Variants in GRHL1 observed in about 807,000 individuals in gnomAD.
The protein encoded by GRHL1 is grainyhead like transcription factor 1, also known as grainyhead-like protein 1 homolog.
Under a neutral mutation model 75.7 loss-of-function variants are expected in GRHL1, and 38 were observed. The observed-to-expected ratio is 0.50, with a 90% confidence interval of 0.39 to 0.66. GRHL1 has a LOEUF of 0.66. Ranked by LOEUF, GRHL1 falls within the 30% of genes least tolerant of loss-of-function variation. The pLI is 0.00. For missense variants in GRHL1, 589 were observed against 767.5 expected (o/e 0.77, Z 2.75); for synonymous variants, 266 against 279.4 (o/e 0.95, Z 0.48).
chr2:9,975,689 C>T (rs1444085802), intron 8 of GRHL1, among the ~76,000 whole-genome samples: 1 of 151,426 alleles, frequency 6.6e-6, no homozygotes, highest in Non-Finnish European at 1.5e-5. Context: ...ACCAGCCTGA[C>T]CAACGTGGTG....
rs1666778259 is a variant in GRHL1, at chr2:9,951,767, C to G, written c.-67C>G. 15 of 1,452,410 alleles carry G rather than the reference C, an allele frequency of 1.0e-5. No homozygotes were observed. Among genetic ancestry groups the G allele is most frequent in the South Asian group, 6.3e-5 (5 of 79,606 alleles). The allele number at this position is 1,452,410 out of a possible 1,614,324, so 90.0% of individuals were successfully genotyped here. ...CAGCCGCCGCCGCCGCCTCCTCCCC[C>G]CGGATCGGGTGTACTGTCCCAACCC... On this transcript the variant is annotated 5_prime_UTR_variant, in exon 1 of 16. Transcript: ENST00000324907. The surrounding 1 kb of genome is among the most constrained non-coding windows in gnomAD (Gnocchi z 4.2).
chr2:9,971,221 C>A (rs1358484287), intron 8 of GRHL1, among the ~76,000 whole-genome samples: 1 of 152,156 alleles, frequency 6.6e-6, no homozygotes, highest in Non-Finnish European at 1.5e-5. Context: ...TAGTGAAGCA[C>A]CCGTCAAGTC....
Position 9,990,681 on chromosome 2 carries a change from T to A in GRHL1, c.1270-15T>A. The A allele has an allele frequency of 6.4e-7, 1 of 1,559,720 alleles. No individual in the cohort carries two copies. Among genetic ancestry groups the A allele is most frequent in the South Asian group, 1.1e-5 (1 of 88,454 alleles). On this transcript the variant is annotated splice_polypyrimidine_tract_variant and intron_variant, in intron 9 of 15. Transcript: ENST00000324907. This position sits in a 1 kb window ranked among gnomAD's most constrained non-coding sequence, Gnocchi z 4.2. Reference sequence around the variant, plus strand: ...TGGAAAACAGAATCATATCTTGTCTTCTCTTAACCTACAGGGAGCTGAGCG... The same window carrying A: ...TGGAAAACAGAATCATATCTTGTCTACTCTTAACCTACAGGGAGCTGAGCG...
chr2:9,996,037 A>G lies in GRHL1; in HGVS notation c.1591+67A>G. On this transcript the variant is annotated intron_variant, in intron 13 of 15. Transcript: ENST00000324907. ...AGTGAGTTCAGAATCTATCAAAAGC[A>G]TAAATGGTTCAAGCACATTTTTCCC... is the stretch of plus-strand genomic sequence containing the variant. 1.2e-5 allele frequency: 12 copies of G among 1,030,850 alleles called. No individual in the cohort carries two copies. In the South Asian group the frequency reaches 1.5e-4, roughly 13 times the overall value. 63.9% of individuals were successfully genotyped at this position (1,030,850 alleles called of 1,614,324 possible). A position where few individuals can be genotyped will look rare whatever the true frequency, so the allele number is the denominator to read the frequency against.
chr2:9,963,879 C>A lies in GRHL1; in HGVS notation c.747-7C>A. On this transcript the variant is annotated splice_polypyrimidine_tract_variant and splice_region_variant and intron_variant, in intron 5 of 15. Coordinates refer to ENST00000324907, the MANE Select transcript of GRHL1 (RefSeq NM_198182.3). ...TTTAGAGACCTGTGACTTTTTTTGT[C>A]CTTTAGGAACAACTTTGAATATACC... The A allele has an allele frequency of 6.3e-7, 1 of 1,599,820 alleles. No homozygotes were observed. Among genetic ancestry groups the A allele is most frequent in the South Asian group, 1.1e-5 (1 of 88,750 alleles).
At position 9,963,883 on chromosome 2, in the gene GRHL1, T is replaced by G. The variant is rs1667379513; in HGVS notation, c.747-3T>G. The G allele has an allele frequency of 6.2e-7, 1 of 1,607,584 alleles. No individual in the cohort carries two copies. The highest frequency in any genetic ancestry group is 2.2e-5 in the East Asian group (1 of 44,834). ...GAGACCTGTGACTTTTTTTGTCCTT[T>G]AGGAACAACTTTGAATATACCCTAG... On this transcript the variant is annotated splice_polypyrimidine_tract_variant and splice_region_variant and intron_variant, in intron 5 of 15. Transcript: ENST00000324907.
chr2:9,972,155 G>A (rs1323083398), intron 8 of GRHL1, among the ~76,000 whole-genome samples: 1 of 151,060 alleles, frequency 6.6e-6, no homozygotes, highest in African/African-American at 2.4e-5. Flanking sequence ...CCATGTCTAT[G>A]TAGCCTGCAT....
In GRHL1 at chr2:9,992,914, T is replaced by TTTC. The variant is rs1185905344; in HGVS notation, c.1462-293_1462-292insTTC. On this transcript the variant is annotated intron_variant, in intron 11 of 15. Transcript: ENST00000324907. The surrounding 1 kb of genome is among the most constrained non-coding windows in gnomAD (Gnocchi z 4.6). ...GGCCCCGTGGTCTCCACTGTGCTGC[T>TTTC]CAGTGCTGCCGAACTAGTGCACACA... is the stretch of plus-strand genomic sequence containing the variant. Among the ~76,000 whole-genome samples the TTTC allele has an allele frequency of 3.3e-5, 5 of 152,212 alleles. No individual in the cohort carries two copies. The highest frequency in any genetic ancestry group is 1.2e-4 in the African/African-American group (5 of 41,462).
At chr2:9,978,501 C>T (rs1240458165) in intron 8 of GRHL1, among the ~76,000 whole-genome samples, 1 of 152,160 alleles carries the variant, frequency 6.6e-6, no homozygotes, top group East Asian at 1.9e-4. Flanking sequence ...ACATTTGGAG[C>T]TGGATTTTGG....
At chr2:9,995,148 T>C (rs1459370852) in intron 12 of GRHL1, among the ~76,000 whole-genome samples, 1 of 152,204 alleles carries the variant, frequency 6.6e-6, no homozygotes, top group East Asian at 1.9e-4. Flanking sequence ...TTTCTAGATA[T>C]GGCTTCCTGT....
chr2:9,960,872 C>A, intron 3 of GRHL1, 174 bp from the exon 4 acceptor site: 1 of 542,908 alleles, frequency 1.8e-6, no homozygotes, highest in Non-Finnish European at 3.2e-6. Context: ...TTTATTTGAC[C>A]GATAACCAGA....
In GRHL1 at chr2:9,998,609, T is replaced by C. The variant is rs74171473; in HGVS notation, c.1678-356T>C. Among the ~76,000 whole-genome samples the C allele has an allele frequency of 1.2e-3, 61 of 49,280 alleles. 14 individuals are homozygous for C. Among genetic ancestry groups the C allele is most frequent in the Admixed American group, 3.8e-3 (15 of 3,964 alleles). The allele number at this position is 49,280 out of a possible 152,430, so 32.3% of individuals were successfully genotyped here. A position where few individuals can be genotyped will look rare whatever the true frequency, so the allele number is the denominator to read the frequency against. On this transcript the variant is annotated intron_variant, in intron 14 of 15. Coordinates refer to ENST00000324907, the MANE Select transcript of GRHL1 (RefSeq NM_198182.3). ...ACATATATATGTACACATATATATA[T>C]ACATATATATGTACACATATACATA...
At chr2:9,957,706 G>A (rs779887684) in intron 2 of GRHL1, among the ~76,000 whole-genome samples, 2 of 152,210 alleles carry the variant, frequency 1.3e-5, no homozygotes, top group African/African-American at 2.4e-5. Flanking sequence ...ACCGCGCCTG[G>A]CCAGCAGTGT....
intron 8 of GRHL1, among the ~76,000 whole-genome samples, chr2:9,976,775 G>T (rs968814834): frequency 6.6e-6 from 1 of 152,150 alleles, no homozygotes; most frequent in Admixed American, 6.5e-5. Context: ...TCAGATCTGG[G>T]TATATTTTTA....
chr2:10,001,727 T>C lies in GRHL1; in HGVS notation c.*1020T>C, dbSNP rs1669275837. ...AAAAACACTACTGCAATCACGTCTT[T>C]TGTTATGCTAGTATCAGTCAGATGC... is the stretch of plus-strand genomic sequence containing the variant. On this transcript the variant is annotated 3_prime_UTR_variant, in exon 16 of 16. Transcript: ENST00000324907. The C allele has an allele frequency of 6.6e-6, 1 of 152,280 alleles. No homozygotes were observed. Among genetic ancestry groups the C allele is most frequent in the Non-Finnish European group, 1.5e-5 (1 of 68,052 alleles). The allele number at this position is 152,280 out of a possible 1,614,324, so 9.4% of individuals were successfully genotyped here. A position where few individuals can be genotyped will look rare whatever the true frequency, so the allele number is the denominator to read the frequency against.
At position 9,998,448 on chromosome 2, in the gene GRHL1, G is replaced by GTA. The variant is rs764697201; in HGVS notation, c.1678-508_1678-507dup. ...CATGTGTGTGTGTGTGTGTGTGTGT[G>GTA]TATATATATACATATATATACGTAT... is the stretch of plus-strand genomic sequence containing the variant. On this transcript the variant is annotated intron_variant, in intron 14 of 15. Coordinates refer to ENST00000324907, the MANE Select transcript of GRHL1 (RefSeq NM_198182.3). Among the ~76,000 whole-genome samples the GTA allele has an allele frequency of 4.2e-3, 298 of 71,138 alleles. 37 individuals are homozygous for GTA. Among genetic ancestry groups the GTA allele is most frequent in the Non-Finnish European group, 6.4e-3 (242 of 38,022 alleles). The allele number at this position is 71,138 out of a possible 152,430, so 46.7% of individuals were successfully genotyped here.
At chr2:9,973,533 T>C (rs1667822675) in intron 8 of GRHL1, among the ~76,000 whole-genome samples, 1 of 152,256 alleles carries the variant, frequency 6.6e-6, no homozygotes, top group Non-Finnish European at 1.5e-5. Context: ...CTGACTTCAG[T>C]TGAATTCTAT....
chr2:9,968,686 G>A lies in GRHL1; in HGVS notation c.1110+3305G>A, dbSNP rs1296944783. 7.2e-5 allele frequency among the ~76,000 whole-genome samples: 11 copies of A among 152,176 alleles called. No homozygotes were observed. Among genetic ancestry groups the A allele is most frequent in the Non-Finnish European group, 1.2e-4 (8 of 68,024 alleles). ...GGGCACTGGTCTCCTGCAGAAGAGAGGCCTAGGAGCTGAGGGGAGGGGTGC... is the reference window on the plus strand; with the variant it reads ...GGGCACTGGTCTCCTGCAGAAGAGAAGCCTAGGAGCTGAGGGGAGGGGTGC... On this transcript the variant is annotated intron_variant, in intron 8 of 15. Transcript: ENST00000324907. The surrounding 1 kb of genome is among the most constrained non-coding windows in gnomAD (Gnocchi z 4.7).
intron 1 of GRHL1, 132 bp from the exon 2 acceptor site, chr2:9,954,783 G>A (rs1666939544): frequency 1.1e-5 from 9 of 790,062 alleles, no homozygotes; most frequent in Non-Finnish European, 1.9e-5. Flanking sequence ...TTCTGGTCTT[G>A]TCTTAATTTG....
Sources: allele counts gnomAD v4.1 joint callset (sites outside exome capture counted in the v4.1 genomes callset), GRCh38; gene constraint gnomAD v4.1.1; non-coding constraint Gnocchi (gnomAD v3.1); transcripts MANE v1.5; gene names NCBI Gene and HGNC (gene_info 2026-07-23, HGNC 2026-07-21).